PIK3CD: variants seen among roughly 807,000 people sequenced by gnomAD.
The protein encoded by PIK3CD is phosphatidylinositol 4,5-bisphosphate 3-kinase catalytic subunit delta isoform.
Under a neutral mutation model 122.9 loss-of-function variants are expected in PIK3CD, and 20 were observed. That is an observed-to-expected ratio of 0.16 (90% CI 0.11 to 0.24). The LOEUF (loss-of-function observed/expected upper bound fraction) is 0.24, where lower values mean the gene tolerates loss of function less well. Ranked by LOEUF, PIK3CD falls within the 10% of genes least tolerant of loss-of-function variation. The probability of loss-of-function intolerance (pLI) is 1.00; values close to 1 mark genes in which losing one functional copy is unlikely to be tolerated. For synonymous variants in PIK3CD, 596 were observed against 593.4 expected (o/e 1.00, Z -0.06); for missense variants, 787 against 1,406.3 (o/e 0.56, Z 7.04).
intron 1 of PIK3CD, among the ~76,000 whole-genome samples, chr1:9,668,217 C>T (rs1383694435): frequency 2.0e-5 from 3 of 152,022 alleles, no homozygotes; most frequent in African/African-American, 7.2e-5. Context: ...AACCCATGAA[C>T]TCTAGTGGTG....
chr1:9,728,822 TGTC>T lies in PIK3CD; in HGVS notation c.*1777_*1779del, dbSNP rs1316725793. ...ATTTTTTTAAGTCATTTCATGTTTCTGTCTGGGGAAGGCAAGTTAGTTAAGTAT... is the reference window on the plus strand; with the variant it reads ...ATTTTTTTAAGTCATTTCATGTTTCTTGGGGAAGGCAAGTTAGTTAAGTAT... On this transcript the variant is annotated 3_prime_UTR_variant, in exon 24 of 24. Coordinates refer to ENST00000377346, the MANE Select transcript of PIK3CD (RefSeq NM_005026.5). 6.6e-6 allele frequency: 1 copy of T among 152,268 alleles called. No homozygotes were observed. Among genetic ancestry groups the T allele is most frequent in the Non-Finnish European group, 1.5e-5 (1 of 68,052 alleles). 9.4% of individuals were successfully genotyped at this position (152,268 alleles called of 1,614,324 possible).
At chr1:9,663,588 TA>T (rs1387731123) in intron 1 of PIK3CD, among the ~76,000 whole-genome samples, 5 of 139,936 alleles carry the variant, frequency 3.6e-5, no homozygotes, top group South Asian at 4.9e-4. Context: ...ATTTTTTTAA[TA>T]TTTTTTTATT....
At position 9,724,173 on chromosome 1, in the gene PIK3CD, C is replaced by T. The variant is rs913964316; in HGVS notation, c.2718+81C>T. 10 of 1,613,524 alleles carry T rather than the reference C, an allele frequency of 6.2e-6. No homozygotes were observed. In the Admixed American group the frequency reaches 1.7e-4, roughly 27 times the overall value. On this transcript the variant is annotated intron_variant, in intron 21 of 23. Transcript: ENST00000377346. The surrounding 1 kb of genome is among the most constrained non-coding windows in gnomAD (Gnocchi z 7.3). ...GCTGGCCCCTCTGCCTAGCACACAG[C>T]TCTGTGGCAGGGGTCCCCCAGCCCT...
chr1:9,724,825 G>T lies in PIK3CD; in HGVS notation c.2886G>T (p.Arg962Ser), dbSNP rs746383662. 6.2e-7 allele frequency: 1 copy of T among 1,613,416 alleles called. No homozygotes were observed. Residue 962 changes from arginine (R) to serine (S), a missense_variant, in exon 23 of 24, where the codon AGG (arginine) becomes AGT (serine). Physicochemically the swap from Arg to Ser is moderately radical, Grantham distance 110. This residue lies in a region of PIK3CD where 60 missense variants were observed against 129.5 expected (regional missense o/e 0.46). Transcript: ENST00000377346. This position sits in a 1 kb window ranked among gnomAD's most constrained non-coding sequence, Gnocchi z 7.3. ...KFERFRGYCE[R>S]AYTILRRHGL... ...GCAGGTTCCGGGGCTACTGTGAAAG[G>T]GCCTACACCATCCTGCGGCGCCACG... is the stretch of plus-strand genomic sequence containing the variant.
the PIK3CD span, among the ~76,000 whole-genome samples, chr1:9,636,120 C>T: frequency 6.6e-6 from 1 of 152,234 alleles, no homozygotes; most frequent in Non-Finnish European, 1.5e-5. Flanking sequence ...CTCTCAGCTT[C>T]CATTGTTCTA....
chr1:9,692,696 C>T (rs182817813), intron 2 of PIK3CD, among the ~76,000 whole-genome samples: 1 of 152,304 alleles, frequency 6.6e-6, no homozygotes, highest in African/African-American at 2.4e-5. Flanking sequence ...CACCACTGCA[C>T]TCCAGCCTGG....
Position 9,721,424 on chromosome 1 carries a change from A to G in PIK3CD, c.1812-20A>G, listed in dbSNP as rs1648637986. The G allele has an allele frequency of 8.1e-6, 13 of 1,612,756 alleles. No individual in the cohort carries two copies. The highest frequency in any genetic ancestry group is 1.1e-5 in the Non-Finnish European group (13 of 1,179,948). On this transcript the variant is annotated intron_variant, in intron 14 of 23. Transcript: ENST00000377346. Reference sequence around the variant, plus strand: ...CCTGAGTCGGGGAGCTCCAGGCCCCAGCGCCTTCCTTCCCTGCAGGGACGA... The same window carrying G: ...CCTGAGTCGGGGAGCTCCAGGCCCCGGCGCCTTCCTTCCCTGCAGGGACGA...
intron 1 of PIK3CD, among the ~76,000 whole-genome samples, chr1:9,669,225 G>C (rs1215531612): frequency 2.6e-5 from 4 of 152,182 alleles, no homozygotes; most frequent in African/African-American, 7.2e-5. Flanking sequence ...GTGCAGTGCA[G>C]TGGAGCTATC....
At chr1:9,677,643 T>TA (rs769155771) in intron 1 of PIK3CD, among the ~76,000 whole-genome samples, 11,688 of 90,298 alleles carry the variant, frequency 0.13, 724 homozygotes, top group South Asian at 0.24. Flanking sequence ...AGACCCTGTC[T>TA]AAAAAAAAAA....
At chr1:9,661,247 T>G (rs1645001025) in intron 1 of PIK3CD, among the ~76,000 whole-genome samples, 1 of 152,050 alleles carries the variant, frequency 6.6e-6, no homozygotes, top group African/African-American at 2.4e-5. Context: ...GCCCAGCTAA[T>G]TTTTGTATTT....
chr1:9,725,992 ACC>A (rs1649502486), intron 23 of PIK3CD, among the ~76,000 whole-genome samples: 1 of 152,014 alleles, frequency 6.6e-6, no homozygotes, highest in African/African-American at 2.4e-5. Context: ...CAGGTGGATC[ACC>A]TGAGGTCAGG....
intron 1 of PIK3CD, among the ~76,000 whole-genome samples, chr1:9,670,019 C>G (rs1463078960): frequency 6.6e-6 from 1 of 151,842 alleles, no homozygotes; most frequent in Non-Finnish European, 1.5e-5. Flanking sequence ...ACTAAAAATA[C>G]AAAAATTAGC....
chr1:9,659,456 A>G (rs1405148545), intron 1 of PIK3CD, among the ~76,000 whole-genome samples: 1 of 152,154 alleles, frequency 6.6e-6, no homozygotes, highest in Non-Finnish European at 1.5e-5. Context: ...GATTTACACT[A>G]TTGTGCAACC....
rs1455753969 is a variant in PIK3CD, at chr1:9,717,890, AG to A, written c.1020+266del. ...TGACTTTGGTGGAGGTTATGGGGCC[AG>A]GTTCAGCCCAGGGATCCGGGACCGC... On this transcript the variant is annotated intron_variant, in intron 8 of 23. Transcript: ENST00000377346. The surrounding 1 kb of genome is among the most constrained non-coding windows in gnomAD (Gnocchi z 5.4). Among the ~76,000 whole-genome samples the A allele has an allele frequency of 6.6e-6, 1 of 152,106 alleles. No individual in the cohort carries two copies. Among genetic ancestry groups the A allele is most frequent in the African/African-American group, 2.4e-5 (1 of 41,414 alleles).
At position 9,722,551 on chromosome 1, in the gene PIK3CD, C is replaced by G; in HGVS notation, c.2371C>G (p.Leu791Val). ...AGACCTCCGGCAGGACATGCTGACC[C>G]TGCAGATGATCCAGCTCATGGACGT... ...GDDLRQDMLTLQMIQLMDVLW... is the reference protein window; with the variant it reads ...GDDLRQDMLTVQMIQLMDVLW... The change falls in exon 19 of 24, where the codon CTG becomes GTG. Residue 791 changes from leucine (L) to valine (V), a missense_variant. Transcript: ENST00000377346. The surrounding 1 kb of genome is among the most constrained non-coding windows in gnomAD (Gnocchi z 7.6). The G allele has an allele frequency of 6.2e-7, 1 of 1,613,708 alleles. No individual in the cohort carries two copies. Among genetic ancestry groups the G allele is most frequent in the Non-Finnish European group, 8.5e-7 (1 of 1,179,986 alleles).
chr1:9,665,545 A>G (rs138872151), intron 1 of PIK3CD, among the ~76,000 whole-genome samples: 6 of 151,790 alleles, frequency 4.0e-5, no homozygotes, highest in African/African-American at 1.4e-4. Flanking sequence ...TGCAGCTTCT[A>G]TTCTACACTG....
At position 9,724,401 on chromosome 1, in the gene PIK3CD, T is replaced by C; in HGVS notation, c.2844T>C (p.Asn948=). ...FVHVIQQGKT[N]NSEKFERFRG... ...ATGTGATTCAGCAGGGGAAGACTAA[T>C]AATAGTGAGAAATTTGAACGGTGAG... The change falls in exon 22 of 24, where the codon AAT becomes AAC. Residue 948 remains asparagine, a synonymous_variant. Transcript: ENST00000377346. This position sits in a 1 kb window ranked among gnomAD's most constrained non-coding sequence, Gnocchi z 7.3. 2 of 1,614,050 alleles carry C rather than the reference T, an allele frequency of 1.2e-6. No individual in the cohort carries two copies. The highest frequency in any genetic ancestry group is 1.7e-6 in the Non-Finnish European group (2 of 1,180,024).
chr1:9,688,574 G>T lies in PIK3CD; in HGVS notation c.-137-2893G>T, dbSNP rs187292128. 2.3e-3 allele frequency among the ~76,000 whole-genome samples: 348 copies of T among 152,110 alleles called. 7 individuals are homozygous for T. Among genetic ancestry groups the T allele is most frequent in the Non-Finnish European group, 2.9e-3 (199 of 67,984 alleles). Reference sequence around the variant, plus strand: ...TGGATAAAAACTGGAGCGCCTGGCCGAGCACTTTGGGAGGCTGACGCGGTA... The same window carrying T: ...TGGATAAAAACTGGAGCGCCTGGCCTAGCACTTTGGGAGGCTGACGCGGTA... On this transcript the variant is annotated intron_variant, in intron 1 of 23. Transcript: ENST00000377346.
At position 9,720,843 on chromosome 1, in the gene PIK3CD, C is replaced by T; in HGVS notation, c.1623C>T (p.His541=). The change falls in exon 13 of 24, where the codon CAC becomes CAT. Residue 541 remains histidine (H), a synonymous_variant. Coordinates refer to ENST00000377346, the MANE Select transcript of PIK3CD (RefSeq NM_005026.5). The surrounding 1 kb of genome is among the most constrained non-coding windows in gnomAD (Gnocchi z 9.0). ...VWKLRHEVQE[H]FPEALARLLL... is the part of the protein sequence containing the mutation. The stretch of plus-strand genomic sequence containing the variant: ...AGCTGCGGCATGAAGTCCAGGAGCA[C>T]TTCCCGGAGGCGCTAGCCCGGCTGC... 6.2e-7 allele frequency: 1 copy of T among 1,612,396 alleles called. No homozygotes were observed. Among genetic ancestry groups the T allele is most frequent in the Non-Finnish European group, 8.5e-7 (1 of 1,179,470 alleles).
Sources: gnomAD v4.1 joint callset for allele counts (sites outside exome capture counted in the v4.1 genomes callset) on GRCh38, gnomAD v4.1.1 for gene constraint, gnomAD v4.1.1 regional missense constraint, Gnocchi (gnomAD v3.1) non-coding constraint, MANE v1.5 for transcripts, NCBI Gene and HGNC (gene_info 2026-07-23, HGNC 2026-07-21) for gene names.